The following NALF1 variants were observed in gnomAD, a reference collection of about 807,000 sequenced individuals.
NALF1 encodes family with sequence similarity 155 member A.
Under a neutral mutation model 48.4 loss-of-function variants are expected in NALF1, and 3 were observed. The ratio of observed to expected loss-of-function variants is 0.06; its 90% CI spans 0.03 to 0.16. The LOEUF is 0.16. NALF1 is among the 10% of genes least tolerant of loss of function. The pLI is 1.00. For missense variants in NALF1, 526 were observed against 571.5 expected (o/e 0.92, Z 0.81); for synonymous variants, 262 against 245.7 (o/e 1.07, Z -0.62).
At chr13:107,404,818 A>T (rs180979673) in intron 1 of NALF1, among the ~76,000 whole-genome samples, 11 of 152,236 alleles carry the variant, frequency 7.2e-5, no homozygotes, top group Non-Finnish European at 1.5e-5. Flanking sequence ...CTAGTAAAAA[A>T]GTCTTTTACA....
At chr13:107,263,152 T>C (rs1212101561) in intron 1 of NALF1, among the ~76,000 whole-genome samples, 1 of 151,836 alleles carries the variant, frequency 6.6e-6, no homozygotes, top group Non-Finnish European at 1.5e-5. Flanking sequence ...ACCAAGATCA[T>C]TGGTCACCCT....
intron 1 of NALF1, among the ~76,000 whole-genome samples, chr13:107,266,056 A>AT (rs1222416999): frequency 3.3e-5 from 5 of 152,242 alleles, no homozygotes; most frequent in Non-Finnish European, 5.9e-5. Context: ...TAAAGAAGAC[A>AT]TAAAGGTTAA....
intron 1 of NALF1, among the ~76,000 whole-genome samples, chr13:107,551,389 T>C (rs1213914039): frequency 6.6e-6 from 1 of 152,166 alleles, no homozygotes; most frequent in Non-Finnish European, 1.5e-5. Flanking sequence ...CACAGTAATT[T>C]TAAAACAATA....
intron 1 of NALF1, among the ~76,000 whole-genome samples, chr13:107,676,612 TTTAATTAATTA>T (rs1881131453): frequency 2.1e-5 from 3 of 142,052 alleles, no homozygotes. Context: ...ATTTAATTAA[TTTAATTAATTA>T]AATTAAATTG....
intron 1 of NALF1, among the ~76,000 whole-genome samples, chr13:107,661,825 C>T (rs948787868): frequency 2.4e-4 from 36 of 151,914 alleles, no homozygotes; most frequent in African/African-American, 8.5e-4. Context: ...TATTTTAAGC[C>T]TGATACTTAA....
intron 1 of NALF1, among the ~76,000 whole-genome samples, chr13:107,379,831 C>T (rs1232202597): frequency 1.3e-5 from 2 of 152,198 alleles, no homozygotes; most frequent in Non-Finnish European, 1.5e-5. Context: ...GAATACACTT[C>T]CATTCAGAGG....
chr13:107,658,528 T>C (rs1430140969), intron 1 of NALF1, among the ~76,000 whole-genome samples: 1 of 152,190 alleles, frequency 6.6e-6, no homozygotes, highest in Non-Finnish European at 1.5e-5. Context: ...GCCAAATGAA[T>C]TGGTCTGGTT....
intron 1 of NALF1, among the ~76,000 whole-genome samples, chr13:107,340,400 C>A (rs765387861): frequency 7.3e-5 from 11 of 151,144 alleles, no homozygotes; most frequent in Non-Finnish European, 1.3e-4. Flanking sequence ...TTCAGCCTCC[C>A]AAAGTGCTGG....
chr13:107,493,240 G>A (rs773980793), intron 1 of NALF1, among the ~76,000 whole-genome samples: 5 of 152,198 alleles, frequency 3.3e-5, no homozygotes, highest in African/African-American at 4.8e-5. Flanking sequence ...TGAATGAAAT[G>A]GAAAAGGAGT....
intron 1 of NALF1, among the ~76,000 whole-genome samples, chr13:107,750,748 C>G (rs1876914945): frequency 6.6e-6 from 1 of 151,994 alleles, no homozygotes; most frequent in South Asian, 2.1e-4. Context: ...AATAAAATAC[C>G]AAAATTGGAA....
chr13:107,395,484 TA>T (rs1472321455), intron 1 of NALF1, among the ~76,000 whole-genome samples: 1 of 152,110 alleles, frequency 6.6e-6, no homozygotes. Flanking sequence ...GATTCACCTT[TA>T]AGATTCCTCA....
intron 1 of NALF1, among the ~76,000 whole-genome samples, chr13:107,412,736 C>CA (rs1026734220): frequency 6.6e-6 from 1 of 152,040 alleles, no homozygotes. Context: ...AGTATCGTAT[C>CA]AAAAAAATGC....
Position 107,850,760 on chromosome 13 carries a change from G to A in NALF1, c.915+14922C>T, listed in dbSNP as rs1344892139. ...TCTACTAAAAGTACAAAAATTAGCC[G>A]AACGTGGTGGCATGTGCCTATAATC... On this transcript the variant is annotated intron_variant, in intron 1 of 2. Coordinates refer to ENST00000375915, the MANE Select transcript of NALF1 (RefSeq NM_001080396.3). Among the ~76,000 whole-genome samples the A allele has an allele frequency of 6.6e-5, 10 of 152,116 alleles. No homozygotes were observed. The South Asian group carries it at 1.5e-3, about 22-fold the overall frequency.
rs190024173 is a variant in NALF1 at position 107,730,779 on chromosome 13, T to C, written c.915+134903A>G. ...ACCACCAATTAACCTTTTATTATAA[T>C]TGAATAAATGAGTAACAGTCTCAAA... On this transcript the variant is annotated intron_variant, in intron 1 of 2. Transcript: ENST00000375915. Among the ~76,000 whole-genome samples the C allele has an allele frequency of 2.3e-3, 354 of 152,342 alleles. 1 individual carries two copies. Among genetic ancestry groups the C allele is most frequent in the Non-Finnish European group, 3.6e-3 (247 of 68,030 alleles).
intron 1 of NALF1, among the ~76,000 whole-genome samples, chr13:107,521,943 A>G (rs1876255317): frequency 1.5e-5 from 2 of 134,978 alleles, no homozygotes. Flanking sequence ...ACACACACAT[A>G]CACACACACA....
intron 1 of NALF1, among the ~76,000 whole-genome samples, chr13:107,675,480 G>T (rs552274019): frequency 8.2e-4 from 125 of 152,292 alleles, no homozygotes; most frequent in African/African-American, 2.8e-3. Flanking sequence ...TCATCATGTT[G>T]CATTATAACT....
At chr13:107,624,498 T>C (rs544086536) in intron 1 of NALF1, among the ~76,000 whole-genome samples, 3 of 152,192 alleles carry the variant, frequency 2.0e-5, no homozygotes, top group African/African-American at 7.2e-5. Context: ...TTTAGGCAAA[T>C]TATTGTGAGT....
chr13:107,767,196 A>G (rs968155250), intron 1 of NALF1, among the ~76,000 whole-genome samples: 21 of 152,226 alleles, frequency 1.4e-4, no homozygotes, highest in African/African-American at 4.8e-4. Flanking sequence ...CATTAACAAC[A>G]TTGAAATCTA....
chr13:107,540,826 A>G (rs964687251), intron 1 of NALF1, among the ~76,000 whole-genome samples: 1 of 152,168 alleles, frequency 6.6e-6, no homozygotes, highest in Non-Finnish European at 1.5e-5. Flanking sequence ...TTCCTAAACA[A>G]GAAACTTTAA....
Sources: gnomAD v4.1 joint callset for allele counts (sites outside exome capture counted in the v4.1 genomes callset) on GRCh38, gnomAD v4.1.1 for gene constraint, MANE v1.5 for transcripts, NCBI Gene and HGNC (gene_info 2026-07-23, HGNC 2026-07-21) for gene names.